The following DLGAP2 variants were observed in gnomAD, a reference collection of about 807,000 sequenced individuals.
DLGAP2 encodes disks large-associated protein 2.
Under a neutral mutation model 100.3 loss-of-function variants are expected in DLGAP2, and 26 were observed. That is an observed-to-expected ratio of 0.26 (90% CI 0.19 to 0.36). The LOEUF (loss-of-function observed/expected upper bound fraction) is 0.36. Among genes scored for constraint, DLGAP2 ranks in the 10% least tolerant of loss-of-function variants. The pLI, the probability that DLGAP2 is intolerant of heterozygous loss-of-function variation, is 1.00. For missense variants in DLGAP2, 1,858 were observed against 1,453.2 expected (o/e 1.28, Z -4.53); for synonymous variants, 886 against 630.1 (o/e 1.41, Z -6.08).
At chr8:1,530,193 C>T (rs1772053731) in intron 4 of DLGAP2, among the ~76,000 whole-genome samples, 1 of 152,148 alleles carries the variant, frequency 6.6e-6, no homozygotes, top group South Asian at 2.1e-4. Context: ...GTCTATTTCA[C>T]CCCTACAGTC....
chr8:792,279 G>T (rs1238531954), intron 1 of DLGAP2, among the ~76,000 whole-genome samples: 7 of 152,108 alleles, frequency 4.6e-5, no homozygotes, highest in African/African-American at 1.7e-4. Flanking sequence ...CTTACTGAAG[G>T]ATTTCTAATT....
intron 4 of DLGAP2, among the ~76,000 whole-genome samples, chr8:1,504,033 T>C (rs1005609121): frequency 6.6e-6 from 1 of 152,194 alleles, no homozygotes; most frequent in Non-Finnish European, 1.5e-5. Flanking sequence ...ACGCATTGGT[T>C]CCAGGGAGGC....
At position 1,678,499 on chromosome 8, in the gene DLGAP2, T is replaced by G. The variant is rs773123453; in HGVS notation, c.2574T>G (p.Thr858=). 2.2e-5 allele frequency: 35 copies of G among 1,612,164 alleles called. No individual in the cohort carries two copies. Among genetic ancestry groups the G allele is most frequent in the Non-Finnish European group, 3.0e-5 (35 of 1,179,208 alleles). The change falls in exon 12 of 15, where the codon ACT becomes ACG. Residue 858 remains threonine, a synonymous_variant. Coordinates refer to ENST00000637795, the MANE Select transcript of DLGAP2 (RefSeq NM_001346810.2). ...AGCCCGCCATCGACACGGTAGAGAC[T>G]GGGAGGATGTCTCCGTGCCGCAGGG... The part of the protein sequence containing the change: ...WLEPAIDTVE[T]GRMSPCRRDG...
At chr8:1,214,375 G>A (rs1225678260) in intron 2 of DLGAP2, among the ~76,000 whole-genome samples, 1 of 152,222 alleles carries the variant, frequency 6.6e-6, no homozygotes, top group Non-Finnish European at 1.5e-5. Flanking sequence ...GGGGGAAGAG[G>A]TGCCATTGCT....
At chr8:855,597 C>G (rs1797262449) in intron 1 of DLGAP2, among the ~76,000 whole-genome samples, 1 of 152,134 alleles carries the variant, frequency 6.6e-6, no homozygotes, top group Admixed American at 6.5e-5. Flanking sequence ...TGTAAGTTCC[C>G]ACGTAAGCTT....
At chr8:1,168,719 G>A (rs1375717785) in intron 2 of DLGAP2, among the ~76,000 whole-genome samples, 2 of 144,122 alleles carry the variant, frequency 1.4e-5, no homozygotes, top group African/African-American at 5.4e-5. Context: ...CCCACTTTTT[G>A]ATGGGGTTGT....
chr8:976,325 G>T (rs1392923113), intron 2 of DLGAP2, among the ~76,000 whole-genome samples: 4 of 152,146 alleles, frequency 2.6e-5, no homozygotes, highest in African/African-American at 4.8e-5. Context: ...AATAGACTCA[G>T]TGCAGGCCGG....
At chr8:1,083,896 G>C (rs1397337396) in intron 2 of DLGAP2, among the ~76,000 whole-genome samples, 1 of 152,186 alleles carries the variant, frequency 6.6e-6, no homozygotes, top group Non-Finnish European at 1.5e-5. Flanking sequence ...ATAAAGAACT[G>C]TGTTCGTGTT....
chr8:1,385,838 T>C (rs1265970127), intron 3 of DLGAP2, among the ~76,000 whole-genome samples: 1 of 151,512 alleles, frequency 6.6e-6, no homozygotes, highest in Non-Finnish European at 1.5e-5. Flanking sequence ...CCCCGGCCTA[T>C]GCCTGTCCCC....
At chr8:1,196,226 A>C (rs1797746606) in intron 2 of DLGAP2, among the ~76,000 whole-genome samples, 1 of 152,228 alleles carries the variant, frequency 6.6e-6, no homozygotes, top group South Asian at 2.1e-4. Flanking sequence ...CAATTCTTTT[A>C]GAAGTAGGCC....
intron 2 of DLGAP2, among the ~76,000 whole-genome samples, chr8:1,030,042 G>C (rs969991375): frequency 6.6e-6 from 1 of 152,170 alleles, no homozygotes; most frequent in Non-Finnish European, 1.5e-5. Flanking sequence ...TTATTACCTG[G>C]ATGTCATTAC....
At chr8:972,717 TAAAC>T (rs1437159544) in intron 2 of DLGAP2, among the ~76,000 whole-genome samples, 1 of 152,118 alleles carries the variant, frequency 6.6e-6, no homozygotes, top group Admixed American at 6.6e-5. Flanking sequence ...GATCAGCAGA[TAAAC>T]AAGTGAACAA....
chr8:1,490,048 C>T (rs565550800), intron 3 of DLGAP2, among the ~76,000 whole-genome samples: 1 of 151,050 alleles, frequency 6.6e-6, no homozygotes. Context: ...CCTGCCACCG[C>T]ACCCGGCTAT....
intron 3 of DLGAP2, 110 bp from the exon 4 acceptor site, chr8:1,501,256 G>A: frequency 1.7e-6 from 2 of 1,144,770 alleles, no homozygotes; most frequent in Non-Finnish European, 2.5e-6. Context: ...ATACAAAGGT[G>A]TCTGTCATGT....
chr8:825,982 T>A (rs1796678450), intron 1 of DLGAP2, among the ~76,000 whole-genome samples: 1 of 151,474 alleles, frequency 6.6e-6, no homozygotes. Context: ...CAGCCTTTCT[T>A]ACCCTCCACT....
At chr8:1,146,911 G>T (rs1796618684) in intron 2 of DLGAP2, among the ~76,000 whole-genome samples, 1 of 152,148 alleles carries the variant, frequency 6.6e-6, no homozygotes, top group South Asian at 2.1e-4. Flanking sequence ...TATTTTTATT[G>T]CCGGATCTTG....
At chr8:874,702 A>T (rs1477765242) in intron 1 of DLGAP2, among the ~76,000 whole-genome samples, 3 of 152,124 alleles carry the variant, frequency 2.0e-5, no homozygotes, top group Non-Finnish European at 4.4e-5. Flanking sequence ...GTTGGATGGA[A>T]TGTTGTATTG....
intron 2 of DLGAP2, among the ~76,000 whole-genome samples, chr8:1,136,554 G>T (rs1796417809): frequency 6.6e-6 from 1 of 152,228 alleles, no homozygotes; most frequent in Non-Finnish European, 1.5e-5. Context: ...CAAGTACGGT[G>T]CCTGGTGTGT....
At position 1,458,987 on chromosome 8, in the gene DLGAP2, G is replaced by A. The variant is rs147764629; in HGVS notation, c.107-42379G>A. Reference sequence around the variant, plus strand: ...CCAGGTGGTTTACATGCATCTACCCGAGGGGTCACCCTACAGACCAGCATG... The same window carrying A: ...CCAGGTGGTTTACATGCATCTACCCAAGGGGTCACCCTACAGACCAGCATG... On this transcript the variant is annotated intron_variant, in intron 3 of 14. Transcript: ENST00000637795. Among the ~76,000 whole-genome samples the A allele has an allele frequency of 1.1e-3, 162 of 149,652 alleles. 1 individual carries two copies. The highest frequency in any genetic ancestry group is 2.2e-3 in the Non-Finnish European group (149 of 67,250).
Sources: gnomAD v4.1 joint callset for allele counts (sites outside exome capture counted in the v4.1 genomes callset) on GRCh38, gnomAD v4.1.1 for gene constraint, MANE v1.5 for transcripts, NCBI Gene and HGNC (gene_info 2026-07-23, HGNC 2026-07-21) for gene names.